Variants in PTBP3 observed in about 807,000 individuals in gnomAD.
PTBP3 encodes the protein polypyrimidine tract-binding protein 3.
Under a neutral mutation model 58.7 loss-of-function variants are expected in PTBP3, and 20 were observed. The ratio of observed to expected loss-of-function variants is 0.34; its 90% CI spans 0.24 to 0.50. The LOEUF is 0.50. Ranked by LOEUF, PTBP3 falls within the 20% of genes least tolerant of loss-of-function variation. The pLI, the probability that PTBP3 is intolerant of heterozygous loss-of-function variation, is 0.98. For synonymous variants in PTBP3, 185 were observed against 219.8 expected (o/e 0.84, Z 1.40); for missense variants, 509 against 637.2 (o/e 0.80, Z 2.17).
intron 1 of PTBP3, among the ~76,000 whole-genome samples, chr9:112,325,839 G>A (rs200903150): frequency 3.9e-5 from 6 of 152,084 alleles, no homozygotes; most frequent in Non-Finnish European, 8.8e-5. Context: ...CCAACATGGC[G>A]AAACCTAGTC....
the PTBP3 span, among the ~76,000 whole-genome samples, chr9:112,375,181 A>C: frequency 2.0e-5 from 3 of 152,358 alleles, no homozygotes; most frequent in East Asian, 5.8e-4. Flanking sequence ...CCCGTTGGTT[A>C]GCACTTCACA....
At chr9:112,262,327 C>T (rs541393118) in intron 5 of PTBP3, 108 bp downstream of exon 5, 12 of 950,084 alleles carry the variant, frequency 1.3e-5, no homozygotes, top group Non-Finnish European at 1.7e-5. Context: ...ATTATTTAAA[C>T]AAATATATCA....
the PTBP3 span, among the ~76,000 whole-genome samples, chr9:112,372,771 T>C: frequency 8.0e-3 from 1,219 of 152,324 alleles, 14 homozygotes; most frequent in African/African-American, 0.023. Context: ...TGAATCATAT[T>C]CTATTGAATG....
At chr9:112,244,627 A>G (rs1417695405) in intron 7 of PTBP3, among the ~76,000 whole-genome samples, 2 of 152,238 alleles carry the variant, frequency 1.3e-5, no homozygotes, top group East Asian at 3.9e-4. Context: ...GCAGTGAACC[A>G]TGAGTGCACC....
At chr9:112,371,756 C>T in the PTBP3 span, among the ~76,000 whole-genome samples, 12 of 147,320 alleles carry the variant, frequency 8.1e-5, no homozygotes, top group African/African-American at 3.0e-4. Context: ...TTTTTTGAGA[C>T]AGCATCTCAC....
At chr9:112,291,769 T>TA (rs1828441684) in intron 2 of PTBP3, among the ~76,000 whole-genome samples, 2 of 152,176 alleles carry the variant, frequency 1.3e-5, no homozygotes, top group South Asian at 4.1e-4. Flanking sequence ...AAAAGACCTA[T>TA]AAGAGACAAA....
chr9:112,326,338 G>A (rs1830156078), intron 1 of PTBP3, among the ~76,000 whole-genome samples: 1 of 152,174 alleles, frequency 6.6e-6, no homozygotes, highest in Admixed American at 6.5e-5. Flanking sequence ...AGTATTTTAG[G>A]CTTTGCAGTC....
chr9:112,362,836 C>T, the PTBP3 span: 4 of 323,244 alleles, frequency 1.2e-5, no homozygotes, highest in Admixed American at 1.1e-4. Flanking sequence ...CCAGAGACAA[C>T]TGCGTTCATA....
chr9:112,294,557 A>G (rs1210415895), intron 2 of PTBP3, among the ~76,000 whole-genome samples: 4 of 152,224 alleles, frequency 2.6e-5, no homozygotes, highest in African/African-American at 9.6e-5. Context: ...AGCAAACATT[A>G]TATTAAAAGA....
chr9:112,318,758 C>CAA (rs369665704), intron 1 of PTBP3, among the ~76,000 whole-genome samples: 9 of 106,902 alleles, frequency 8.4e-5, no homozygotes, highest in Admixed American at 9.6e-5. Flanking sequence ...AGACTGTCTC[C>CAA]AAAAAAAAAA....
chr9:112,330,543 T>C (rs1830327988), intron 1 of PTBP3: 11 of 1,067,606 alleles, frequency 1.0e-5, no homozygotes, highest in Non-Finnish European at 1.5e-5. Flanking sequence ...AAGACAGAGA[T>C]AGTAAGAATA....
intron 8 of PTBP3, among the ~76,000 whole-genome samples, chr9:112,234,552 T>G (rs1256445087): frequency 6.6e-6 from 1 of 152,222 alleles, no homozygotes; most frequent in African/African-American, 2.4e-5. Flanking sequence ...TTATTTAATG[T>G]AGTTAGCCTA....
At chr9:112,344,244 T>C in the PTBP3 span, among the ~76,000 whole-genome samples, 2 of 152,318 alleles carry the variant, frequency 1.3e-5, no homozygotes, top group Admixed American at 6.5e-5. Context: ...AAATAGTATT[T>C]GTCCTCTCTG....
Position 112,232,987 on chromosome 9 carries a change from C to T in PTBP3, c.881-749G>A, listed in dbSNP as rs114637330. On this transcript the variant is annotated intron_variant, in intron 8 of 13. Transcript: ENST00000374257. ...TAATTTAATGACTCTTTAAAATAAA[C>T]AGTCTGACCACTTCACCACAAATCA... is the stretch of plus-strand genomic sequence containing the variant. Among the ~76,000 whole-genome samples the T allele has an allele frequency of 5.8e-3, 876 of 152,064 alleles. 6 individuals carry two copies. The highest frequency in any genetic ancestry group is 0.02 in the African/African-American group (835 of 41,468).
chr9:112,375,465 G>A, the PTBP3 span, among the ~76,000 whole-genome samples: 1 of 152,176 alleles, frequency 6.6e-6, no homozygotes, highest in Non-Finnish European at 1.5e-5. Flanking sequence ...TGCTGCAGCT[G>A]TCCACTTTCA....
the PTBP3 span, among the ~76,000 whole-genome samples, chr9:112,372,472 T>C: frequency 6.6e-6 from 1 of 152,212 alleles, no homozygotes; most frequent in Non-Finnish European, 1.5e-5. Flanking sequence ...TTAGTATAAT[T>C]ACTATGTTGT....
intron 5 of PTBP3, among the ~76,000 whole-genome samples, chr9:112,255,380 A>G (rs940593): frequency 0.57 from 86,223 of 152,024 alleles, 26,584 homozygotes; most frequent in African/African-American, 0.83. Context: ...CATGTTATAT[A>G]TATTTTGCCA....
At chr9:112,259,633 A>G (rs1385203156) in intron 5 of PTBP3, among the ~76,000 whole-genome samples, 1 of 152,212 alleles carries the variant, frequency 6.6e-6, no homozygotes, top group Non-Finnish European at 1.5e-5. Flanking sequence ...AATAGCATCA[A>G]TCCCATTTCA....
At chr9:112,266,884 G>A (rs1836822224) in intron 4 of PTBP3, among the ~76,000 whole-genome samples, 1 of 152,126 alleles carries the variant, frequency 6.6e-6, no homozygotes, top group African/African-American at 2.4e-5. Context: ...TGTACAACTT[G>A]TAATGACAAT....
Sources: gnomAD v4.1 joint callset for allele counts (sites outside exome capture counted in the v4.1 genomes callset) on GRCh38, gnomAD v4.1.1 for gene constraint, MANE v1.5 for transcripts, NCBI Gene and HGNC (gene_info 2026-07-23, HGNC 2026-07-21) for gene names.